The following RAB3C variants were observed in gnomAD, a reference collection of about 807,000 sequenced individuals.
RAB3C encodes the protein ras-related protein Rab-3C.
A neutral mutation model predicts 26.4 loss-of-function variants in RAB3C; 17 were observed. The observed-to-expected ratio is 0.64, with a 90% CI of 0.44 to 0.97. The LOEUF is 0.97. Ranked by LOEUF, RAB3C falls within the 50% of genes least tolerant of loss-of-function variation. The probability of loss-of-function intolerance (pLI) is 0.00; values close to 1 mark genes in which losing one functional copy is unlikely to be tolerated. For missense variants in RAB3C, 242 were observed against 281.9 expected, an observed-to-expected ratio of 0.86 and a Z score of 1.01; for synonymous variants, 91 against 95.9, an observed-to-expected ratio of 0.95 and a Z score of 0.30.
chr5:58,680,049 A>G (rs1748314258), intron 2 of RAB3C, among the ~76,000 whole-genome samples: 1 of 152,224 alleles, frequency 6.6e-6, no homozygotes, highest in Non-Finnish European at 1.5e-5. Context: ...TATAAACTGA[A>G]ATAAACAGGG....
At chr5:58,662,339 G>A (rs1747921737) in intron 2 of RAB3C, among the ~76,000 whole-genome samples, 1 of 150,178 alleles carries the variant, frequency 6.7e-6, no homozygotes, top group Non-Finnish European at 1.5e-5. Flanking sequence ...TGATTGTAGA[G>A]TTTTCTTCAT....
intron 2 of RAB3C, among the ~76,000 whole-genome samples, chr5:58,685,013 G>T (rs183652734): frequency 1.3e-5 from 2 of 152,238 alleles, no homozygotes; most frequent in Admixed American, 1.3e-4. Context: ...GAAGATATTG[G>T]TGTGGCAGTT....
intron 2 of RAB3C, among the ~76,000 whole-genome samples, chr5:58,642,623 T>C (rs1747432892): frequency 6.6e-6 from 1 of 152,212 alleles, no homozygotes; most frequent in Admixed American, 6.5e-5. Context: ...GAAGTAATCA[T>C]GTAAGAAAAG....
chr5:58,803,036 C>T (rs2548247), intron 3 of RAB3C, among the ~76,000 whole-genome samples: 65,859 of 152,068 alleles, frequency 0.43, 15,724 homozygotes, highest in Middle Eastern at 0.64. Context: ...AGGTAGTACC[C>T]ATCTATTCTG....
intron 2 of RAB3C, among the ~76,000 whole-genome samples, chr5:58,697,806 C>G (rs1381072414): frequency 6.6e-6 from 1 of 152,090 alleles, no homozygotes; most frequent in Non-Finnish European, 1.5e-5. Context: ...TTATTTTGAG[C>G]CTATGTGCGT....
At position 58,638,701 on chromosome 5, in the gene RAB3C, A is replaced by G. The variant is rs539852453; in HGVS notation, c.252+20831A>G. 3.9e-3 allele frequency among the ~76,000 whole-genome samples: 599 copies of G among 152,364 alleles called. 1 individual carries two copies. The highest frequency in any genetic ancestry group is 7.0e-3 in the Non-Finnish European group (477 of 68,030). ...GAATTGAAAATAGCAGGAAACAGAC[A>G]TTATATGTCACCTCGGGCACTGAAC... On this transcript the variant is annotated intron_variant, in intron 2 of 4. Coordinates refer to ENST00000282878, the MANE Select transcript of RAB3C (RefSeq NM_138453.4).
At chr5:58,764,618 G>A (rs1286575816) in intron 3 of RAB3C, among the ~76,000 whole-genome samples, 1 of 152,154 alleles carries the variant, frequency 6.6e-6, no homozygotes, top group Non-Finnish European at 1.5e-5. Context: ...TTAAAAGGCA[G>A]AAACTTCTCA....
chr5:58,684,332 G>A (rs1748403513), intron 2 of RAB3C, among the ~76,000 whole-genome samples: 1 of 152,130 alleles, frequency 6.6e-6, no homozygotes, highest in Non-Finnish European at 1.5e-5. Context: ...ATGCAACTCT[G>A]TTTCTTCAGG....
intron 1 of RAB3C, among the ~76,000 whole-genome samples, chr5:58,609,862 A>G (rs753117597): frequency 2.6e-5 from 4 of 152,154 alleles, no homozygotes; most frequent in East Asian, 1.9e-4. Context: ...TAAACTTTCC[A>G]GCGTCTTGGC....
rs1334561705 is a variant in RAB3C, at chr5:58,856,533, G to A, written c.*5182G>A. On this transcript the variant is annotated 3_prime_UTR_variant, in exon 5 of 5. Coordinates refer to ENST00000282878, the MANE Select transcript of RAB3C (RefSeq NM_138453.4). ...CTTCCCATCAGCAACCATTACTGGT[G>A]GAGTTTCAAACAGTCATTACTTGCT... The A allele has an allele frequency of 6.6e-6, 1 of 152,122 alleles. No homozygotes were observed. Among genetic ancestry groups the A allele is most frequent in the African/African-American group, 2.4e-5 (1 of 41,426 alleles). The allele number at this position is 152,122 out of a possible 1,614,324, so 9.4% of individuals were successfully genotyped here.
At chr5:58,804,124 A>G (rs1742879685) in intron 3 of RAB3C, among the ~76,000 whole-genome samples, 1 of 152,004 alleles carries the variant, frequency 6.6e-6, no homozygotes, top group Non-Finnish European at 1.5e-5. Flanking sequence ...CTTTCTCTAA[A>G]TCCCTTTATC....
chr5:58,615,391 A>G (rs1393491458), intron 1 of RAB3C, among the ~76,000 whole-genome samples: 1 of 152,190 alleles, frequency 6.6e-6, no homozygotes, highest in African/African-American at 2.4e-5. Context: ...TTCTTAATGA[A>G]GGCCATTTTT....
intron 3 of RAB3C, among the ~76,000 whole-genome samples, chr5:58,803,082 C>T (rs1742847018): frequency 6.6e-6 from 1 of 152,196 alleles, no homozygotes; most frequent in Non-Finnish European, 1.5e-5. Flanking sequence ...GTCATATAGC[C>T]ATATTGAGCT....
chr5:58,777,344 C>G (rs1372160059), intron 3 of RAB3C, among the ~76,000 whole-genome samples: 1 of 152,130 alleles, frequency 6.6e-6, no homozygotes, highest in Non-Finnish European at 1.5e-5. Flanking sequence ...TGCTTCCAAG[C>G]TCTGTGTGTA....
intron 3 of RAB3C, among the ~76,000 whole-genome samples, chr5:58,772,296 C>A (rs762952659): frequency 5.3e-5 from 8 of 152,052 alleles, no homozygotes; most frequent in Non-Finnish European, 1.0e-4. Flanking sequence ...AGACTATGAA[C>A]CTGATGATGG....
intron 1 of RAB3C, among the ~76,000 whole-genome samples, chr5:58,612,536 A>ATATATATATATGTATATATATATATATG (rs1561266425): frequency 1.6e-4 from 15 of 96,476 alleles, no homozygotes; most frequent in African/African-American, 4.0e-4. Flanking sequence ...ATATATATAT[A>ATATATATATATGTATATATATATATATG]TATATATATA....
chr5:58,813,623 TATATATATATAC>T lies in RAB3C; in HGVS notation c.372-11413_372-11402del, dbSNP rs1282683275. Among the ~76,000 whole-genome samples, 33 of 26,106 alleles carry T rather than the reference TATATATATATAC, an allele frequency of 1.3e-3. 1 individual carries two copies. Among genetic ancestry groups the T allele is most frequent in the Middle Eastern group, 0.021 (1 of 48 alleles). 17.1% of individuals were successfully genotyped at this position (26,106 alleles called of 152,430 possible). The stretch of plus-strand genomic sequence containing the variant: ...ATATATATATATATATATATATATA[TATATATATATAC>T]ACACACACACACACATATACATATG... On this transcript the variant is annotated intron_variant, in intron 3 of 4. Coordinates refer to ENST00000282878, the MANE Select transcript of RAB3C (RefSeq NM_138453.4).
chr5:58,812,988 C>A (rs1172721709), intron 3 of RAB3C, among the ~76,000 whole-genome samples: 1 of 152,122 alleles, frequency 6.6e-6, no homozygotes, highest in Non-Finnish European at 1.5e-5. Flanking sequence ...TAATTAGGTA[C>A]AAAAACTGGA....
chr5:58,845,045 A>G (rs1743958330), intron 4 of RAB3C, among the ~76,000 whole-genome samples: 1 of 152,294 alleles, frequency 6.6e-6, no homozygotes, highest in East Asian at 1.9e-4. Flanking sequence ...AGTGTGCAAT[A>G]CTGTGATTGT....
Sources: gnomAD v4.1 joint callset for allele counts (sites outside exome capture counted in the v4.1 genomes callset) on GRCh38, gnomAD v4.1.1 for gene constraint, MANE v1.5 for transcripts, NCBI Gene and HGNC (gene_info 2026-07-23, HGNC 2026-07-21) for gene names.